Variants in PTPRD observed in about 807,000 individuals in gnomAD.
The protein encoded by PTPRD is protein tyrosine phosphatase receptor type D.
A neutral mutation model predicts 214.5 loss-of-function variants in PTPRD; 34 were observed. The ratio of observed to expected loss-of-function variants is 0.16; its 90% CI spans 0.12 to 0.21. The LOEUF (loss-of-function observed/expected upper bound fraction) is 0.21. Among genes scored for constraint, PTPRD ranks in the 10% least tolerant of loss-of-function variants. The pLI is 1.00. For synonymous variants in PTPRD, 1,128 were observed against 845.7 expected (o/e 1.33, Z -5.79); for missense variants, 2,545 against 2,398.7 (o/e 1.06, Z -1.27).
intron 8 of PTPRD, among the ~76,000 whole-genome samples, chr9:9,508,706 T>G (rs1279801693): frequency 6.6e-6 from 1 of 151,634 alleles, no homozygotes; most frequent in African/African-American, 2.4e-5. Flanking sequence ...TTTCAATTCA[T>G]TGTACTTATG....
At chr9:8,969,157 G>T (rs2099220004) in intron 11 of PTPRD, among the ~76,000 whole-genome samples, 1 of 152,014 alleles carries the variant, frequency 6.6e-6, no homozygotes, top group South Asian at 2.1e-4. Flanking sequence ...TATCGTTAGA[G>T]AAACAGAAAC....
intron 9 of PTPRD, among the ~76,000 whole-genome samples, chr9:9,395,065 A>G: frequency 6.6e-6 from 1 of 151,734 alleles, no homozygotes; most frequent in African/African-American, 2.4e-5. Context: ...GCATTCTACC[A>G]TGTCTCCACC....
chr9:8,512,063 T>C (rs1299030649), intron 21 of PTPRD, among the ~76,000 whole-genome samples: 1 of 152,110 alleles, frequency 6.6e-6, no homozygotes, highest in Non-Finnish European at 1.5e-5. Flanking sequence ...TTCATCTTGC[T>C]ATAGTATAAA....
intron 11 of PTPRD, among the ~76,000 whole-genome samples, chr9:8,852,942 AT>A (rs565362608): frequency 1.3e-5 from 2 of 152,174 alleles, no homozygotes; most frequent in Non-Finnish European, 2.9e-5. Flanking sequence ...GTTTTAGTCC[AT>A]TTTTTTCCCT....
intron 4 of PTPRD, among the ~76,000 whole-genome samples, chr9:10,018,571 G>A (rs1224200510): frequency 5.1e-4 from 22 of 43,516 alleles, no homozygotes; most frequent in South Asian, 3.0e-3. Context: ...TTTTTGAGAC[G>A]GAGTCTCGCT....
At chr9:9,019,924 C>A (rs1458491081) in intron 10 of PTPRD, among the ~76,000 whole-genome samples, 1 of 151,902 alleles carries the variant, frequency 6.6e-6, no homozygotes, top group East Asian at 1.9e-4. Flanking sequence ...AGAAATTAAC[C>A]TGGACTCTAT....
intron 14 of PTPRD, among the ~76,000 whole-genome samples, chr9:8,551,417 C>T (rs551730770): frequency 6.6e-6 from 1 of 152,156 alleles, no homozygotes; most frequent in East Asian, 1.9e-4. Context: ...CAATCAAAAC[C>T]CTTATTATTA....
chr9:10,117,983 A>C lies in PTPRD; in HGVS notation c.-544-84193T>G, dbSNP rs147761679. ...TCTACCAACCTGGAACTATTACCTGATACTTTCCCCCCTGGAAAAAATGTG... is the reference window on the plus strand; with the variant it reads ...TCTACCAACCTGGAACTATTACCTGCTACTTTCCCCCCTGGAAAAAATGTG... On this transcript the variant is annotated intron_variant, in intron 3 of 45. Coordinates refer to ENST00000381196, the MANE Select transcript of PTPRD (RefSeq NM_002839.4). 1.0e-3 allele frequency among the ~76,000 whole-genome samples: 156 copies of C among 152,146 alleles called. 1 individual carries two copies. Among genetic ancestry groups the C allele is most frequent in the African/African-American group, 3.6e-3 (148 of 41,552 alleles).
intron 9 of PTPRD, among the ~76,000 whole-genome samples, chr9:9,323,317 T>C (rs1967631187): frequency 6.6e-6 from 1 of 152,114 alleles, no homozygotes; most frequent in Admixed American, 6.6e-5. Context: ...CTGAGTTGGT[T>C]TAATCAAATC....
chr9:10,063,469 G>C (rs975072156), intron 3 of PTPRD, among the ~76,000 whole-genome samples: 21 of 151,944 alleles, frequency 1.4e-4, no homozygotes, highest in African/African-American at 5.1e-4. Flanking sequence ...AGAAATCTTG[G>C]GGTTTATGAT....
intron 11 of PTPRD, among the ~76,000 whole-genome samples, chr9:8,997,909 G>A (rs1339817440): frequency 6.6e-6 from 1 of 152,062 alleles, no homozygotes; most frequent in Non-Finnish European, 1.5e-5. Context: ...AGTCTGGATA[G>A]AAGATCAAAC....
chr9:9,101,928 T>C (rs796981166), intron 10 of PTPRD, among the ~76,000 whole-genome samples: 2 of 152,210 alleles, frequency 1.3e-5, no homozygotes, highest in African/African-American at 4.8e-5. Context: ...TGATGTGAAG[T>C]AAATAATGAT....
chr9:10,090,919 T>TACACACACAC lies in PTPRD; in HGVS notation c.-544-57139_-544-57130dup, dbSNP rs1162698970. On this transcript the variant is annotated intron_variant, in intron 3 of 45. Coordinates refer to ENST00000381196, the MANE Select transcript of PTPRD (RefSeq NM_002839.4). The stretch of plus-strand genomic sequence containing the variant: ...GACATTTGTGTATATAAATGAAATA[T>TACACACACAC]ACACACACACACACACACACACACA... 4.7e-3 allele frequency among the ~76,000 whole-genome samples: 473 copies of TACACACACAC among 99,616 alleles called. 3 individuals carry two copies. Among genetic ancestry groups the TACACACACAC allele is most frequent in the Admixed American group, 0.013 (110 of 8,676 alleles). 65.4% of individuals were successfully genotyped at this position (99,616 alleles called of 152,430 possible).
intron 2 of PTPRD, among the ~76,000 whole-genome samples, chr9:10,433,933 G>A (rs2098700229): frequency 6.6e-6 from 1 of 151,686 alleles, no homozygotes; most frequent in African/African-American, 2.4e-5. Context: ...AATACCATTG[G>A]TAATGTAATA....
intron 8 of PTPRD, among the ~76,000 whole-genome samples, chr9:9,569,136 C>T (rs1269047935): frequency 6.6e-6 from 1 of 151,694 alleles, no homozygotes; most frequent in African/African-American, 2.4e-5. Flanking sequence ...TCATCATCTG[C>T]AGCGAGTAAT....
chr9:9,952,937 G>C (rs2093586431), intron 4 of PTPRD, among the ~76,000 whole-genome samples: 1 of 152,126 alleles, frequency 6.6e-6, no homozygotes, highest in Non-Finnish European at 1.5e-5. Flanking sequence ...TAATTGGCAA[G>C]TAGAAGAGCC....
chr9:10,566,769 A>G (rs532735857), intron 2 of PTPRD, among the ~76,000 whole-genome samples: 5 of 152,122 alleles, frequency 3.3e-5, no homozygotes, highest in African/African-American at 1.2e-4. Context: ...TGAGTCATGA[A>G]GATACTCTCA....
chr9:8,846,739 G>A (rs1315273449), intron 11 of PTPRD, among the ~76,000 whole-genome samples: 1 of 152,156 alleles, frequency 6.6e-6, no homozygotes, highest in African/African-American at 2.4e-5. Context: ...GGGATGGAAG[G>A]AGTGGGGAAG....
At position 9,777,213 on chromosome 9, in the gene PTPRD, A is replaced by T. The variant is rs191723658; in HGVS notation, c.-367-10362T>A. On this transcript the variant is annotated intron_variant, in intron 5 of 45. Transcript: ENST00000381196. ...ATGAAGTGATCAAAATACATTTTTA[A>T]AAACATTCTAAGTCCAGGATACTTA... Among the ~76,000 whole-genome samples the T allele has an allele frequency of 6.2e-4, 95 of 152,262 alleles. 1 individual carries two copies. The highest frequency in any genetic ancestry group is 2.2e-3 in the African/African-American group (93 of 41,564).
Sources: allele counts gnomAD v4.1 joint callset (sites outside exome capture counted in the v4.1 genomes callset), GRCh38; gene constraint gnomAD v4.1.1; transcripts MANE v1.5; gene names NCBI Gene and HGNC (gene_info 2026-07-23, HGNC 2026-07-21).